Variants in CERK observed in about 807,000 individuals in gnomAD.
The protein encoded by CERK is ceramide kinase.
A neutral mutation model predicts 63.4 loss-of-function variants in CERK; 39 were observed. That is an observed-to-expected ratio of 0.61 (90% confidence interval 0.48 to 0.80). CERK has a LOEUF of 0.80. Ranked by LOEUF, CERK falls within the 30% of genes least tolerant of loss-of-function variation. The probability of loss-of-function intolerance (pLI) is 0.00; values close to 1 mark genes in which losing one functional copy is unlikely to be tolerated. For synonymous variants in CERK, 302 were observed against 280.0 expected (o/e 1.08, Z -0.78); for missense variants, 670 against 714.1 (o/e 0.94, Z 0.70).
At chr22:46,737,299 A>AAC (rs1555990809) in intron 1 of CERK, among the ~76,000 whole-genome samples, 26 of 115,312 alleles carry the variant, frequency 2.3e-4, no homozygotes, top group African/African-American at 5.7e-4. Context: ...CTCAAAAAAA[A>AAC]AAAAAAACAA....
intron 1 of CERK, among the ~76,000 whole-genome samples, chr22:46,723,388 G>A (rs1294082283): frequency 6.6e-6 from 1 of 152,194 alleles, no homozygotes; most frequent in Non-Finnish European, 1.5e-5. Context: ...GGAGGCCGAG[G>A]CAGGCAGAGC....
chr22:46,701,859 A>G (rs1195254900), intron 6 of CERK, 149 bp from the exon 7 acceptor site: 9 of 618,666 alleles, frequency 1.5e-5, no homozygotes, highest in Non-Finnish European at 1.7e-5. Context: ...CAAAATGAAT[A>G]TAGAAAATAC....
intron 6 of CERK, among the ~76,000 whole-genome samples, chr22:46,703,359 C>T (rs1481451106): frequency 6.6e-6 from 1 of 152,100 alleles, no homozygotes; most frequent in Admixed American, 6.5e-5. Context: ...TCCTGCCTCT[C>T]CTGCCCCCAG....
chr22:46,705,226 C>T (rs911456466), intron 6 of CERK, among the ~76,000 whole-genome samples: 9 of 152,154 alleles, frequency 5.9e-5, no homozygotes, highest in African/African-American at 1.7e-4. Context: ...GGGTCCTTCA[C>T]GAGTGTGGAA....
chr22:46,713,638 C>T (rs1179691075), intron 3 of CERK, among the ~76,000 whole-genome samples: 1 of 152,064 alleles, frequency 6.6e-6, no homozygotes, highest in Non-Finnish European at 1.5e-5. Context: ...AATCGAGACG[C>T]AGTCCACACA....
At chr22:46,688,786 T>A (rs2082715904) in intron 12 of CERK, among the ~76,000 whole-genome samples, 2 of 152,226 alleles carry the variant, frequency 1.3e-5, no homozygotes, top group South Asian at 4.1e-4. Context: ...CCAGCCACAC[T>A]CTGTTAACGA....
Position 46,721,007 on chromosome 22 carries a change from A to G in CERK, c.151T>C (p.Ser51Pro). 1 of 1,610,468 alleles carries G rather than the reference A, an allele frequency of 6.2e-7. No individual in the cohort carries two copies. Among genetic ancestry groups the G allele is most frequent in the Non-Finnish European group, 8.5e-7 (1 of 1,176,742 alleles). Residue 51 changes from serine to proline, a missense_variant, in exon 2 of 13, where the codon TCT (serine) becomes CCT (proline). Transcript: ENST00000216264. ...GCGATGATCTCAGATACAGGCACAG[A>G]GCAGGCATCTGTAAAAACACCACGT... is the stretch of plus-strand genomic sequence containing the variant. ...GAGAPGADAC[S>P]VPVSEIIAVE... is the part of the protein sequence containing the mutation.
intron 10 of CERK, 77 bp downstream of exon 10, chr22:46,693,350 C>T (rs2082740964): frequency 8.7e-6 from 10 of 1,155,388 alleles, no homozygotes; most frequent in Admixed American, 1.7e-5. Flanking sequence ...GGAGAAGAGG[C>T]AGTGCCCTGA....
At position 46,737,291 on chromosome 22, in the gene CERK, C is replaced by CAAAA. The variant is rs34667609; in HGVS notation, c.142+712_142+715dup. On this transcript the variant is annotated intron_variant, in intron 1 of 12. Transcript: ENST00000216264. ...TGGGCAACAGAGCAACACTCCGACT[C>CAAAA]AAAAAAAAAAAAAAACAAAAAACAA... 1.0e-3 allele frequency among the ~76,000 whole-genome samples: 70 copies of CAAAA among 69,280 alleles called. 1 individual carries two copies. In the East Asian group the frequency reaches 0.017, roughly 17 times the overall value. The allele number at this position is 69,280 out of a possible 152,430, so 45.5% of individuals were successfully genotyped here.
chr22:46,718,217 GATGAAA>G (rs1282916131), intron 3 of CERK, among the ~76,000 whole-genome samples: 4 of 151,470 alleles, frequency 2.6e-5, no homozygotes, highest in Non-Finnish European at 4.4e-5. Context: ...CAATTATAAA[GATGAAA>G]ATGAACCCAC....
At chr22:46,708,121 T>A in intron 5 of CERK, 133 bp from the exon 6 acceptor site, 1 of 991,470 alleles carries the variant, frequency 1.0e-6, no homozygotes. Flanking sequence ...GTGCGGCTCC[T>A]GAAATGTCCC....
intron 6 of CERK, among the ~76,000 whole-genome samples, chr22:46,704,603 G>A (rs1165654998): frequency 3.9e-5 from 6 of 152,086 alleles, no homozygotes; most frequent in Admixed American, 6.5e-5. Context: ...GAGGTGGGCA[G>A]ATCACGAGGT....
chr22:46,702,223 A>ATATGTG (rs1555984593), intron 6 of CERK, among the ~76,000 whole-genome samples: 77 of 84,774 alleles, frequency 9.1e-4, no homozygotes, highest in African/African-American at 3.3e-3. Context: ...AAATATATAT[A>ATATGTG]TGTGTGTGTG....
intron 5 of CERK, among the ~76,000 whole-genome samples, chr22:46,710,797 AT>A (rs745431403): frequency 1.6e-4 from 24 of 152,224 alleles, no homozygotes; most frequent in Non-Finnish European, 2.9e-4. Context: ...TGCTTGGTTG[AT>A]TTGCTTCTCT....
At chr22:46,703,839 C>T (rs954160055) in intron 6 of CERK, among the ~76,000 whole-genome samples, 6 of 152,104 alleles carry the variant, frequency 3.9e-5, no homozygotes, top group Non-Finnish European at 8.8e-5. Flanking sequence ...GCATCTCCCT[C>T]GGGCCCTGCC....
chr22:46,691,467 C>T, intron 11 of CERK, 105 bp downstream of exon 11: 2 of 982,206 alleles, frequency 2.0e-6, no homozygotes, highest in Non-Finnish European at 3.0e-6. Flanking sequence ...GTTTGCCCTT[C>T]CTTCCCTTGA....
chr22:46,695,866 G>A (rs571835648), intron 8 of CERK, among the ~76,000 whole-genome samples: 9 of 152,206 alleles, frequency 5.9e-5, no homozygotes, highest in Admixed American at 1.3e-4. Flanking sequence ...CCTGGCACCC[G>A]GGCTGTCTGG....
intron 3 of CERK, among the ~76,000 whole-genome samples, chr22:46,715,101 A>C (rs1387031603): frequency 2.0e-5 from 3 of 152,244 alleles, no homozygotes; most frequent in Admixed American, 6.5e-5. Flanking sequence ...TAGGATTAAA[A>C]GGAAATTCTG....
intron 6 of CERK, among the ~76,000 whole-genome samples, chr22:46,707,164 G>A (rs1467062837): frequency 6.6e-6 from 1 of 151,730 alleles, no homozygotes; most frequent in East Asian, 1.9e-4. Context: ...GAGAGTGAAA[G>A]TGTGCACCAT....
Sources: gnomAD v4.1 joint callset for allele counts (sites outside exome capture counted in the v4.1 genomes callset) on GRCh38, gnomAD v4.1.1 for gene constraint, MANE v1.5 for transcripts, NCBI Gene and HGNC (gene_info 2026-07-23, HGNC 2026-07-21) for gene names.